The following NR6A1 variants were observed in gnomAD, a reference collection of about 807,000 sequenced individuals.
The protein encoded by NR6A1 is retinoic acid receptor-related testis-associated receptor.
NR6A1 carries 7 observed loss-of-function variants against 59.1 expected under a neutral mutation model. The ratio of observed to expected loss-of-function variants is 0.12; its 90% CI spans 0.07 to 0.22. The LOEUF (loss-of-function observed/expected upper bound fraction) is 0.22. Ranked by LOEUF, NR6A1 falls within the 10% of genes least tolerant of loss-of-function variation. The probability of loss-of-function intolerance (pLI) is 1.00; values close to 1 mark genes in which losing one functional copy is unlikely to be tolerated. For missense variants in NR6A1, 468 were observed against 611.6 expected, an observed-to-expected ratio of 0.77 and a Z score of 2.48; for synonymous variants, 243 against 236.1, an observed-to-expected ratio of 1.03 and a Z score of -0.27.
chr9:124,625,651 T>G (rs1055199977), intron 2 of NR6A1, among the ~76,000 whole-genome samples: 5 of 152,220 alleles, frequency 3.3e-5, no homozygotes, highest in South Asian at 2.1e-4. Flanking sequence ...GTTATTTTTA[T>G]GCCAACTTGC....
chr9:124,650,867 G>A (rs1837079090), intron 2 of NR6A1, among the ~76,000 whole-genome samples: 1 of 152,116 alleles, frequency 6.6e-6, no homozygotes, highest in African/African-American at 2.4e-5. Context: ...AAACATTCAG[G>A]AATAGTCTGT....
chr9:124,640,666 G>C (rs942842277), intron 2 of NR6A1, among the ~76,000 whole-genome samples: 2 of 151,838 alleles, frequency 1.3e-5, no homozygotes, highest in African/African-American at 4.8e-5. Context: ...CAAAGCACTA[G>C]GATTACAAAG....
intron 2 of NR6A1, among the ~76,000 whole-genome samples, chr9:124,730,852 T>C (rs1839863620): frequency 6.6e-6 from 1 of 152,214 alleles, no homozygotes; most frequent in South Asian, 2.1e-4. Flanking sequence ...TAGAGGTTTA[T>C]AAAATGTCCT....
At position 124,645,603 on chromosome 9, in the gene NR6A1, A is replaced by C. The variant is rs566072981; in HGVS notation, c.142+87705T>G. Among the ~76,000 whole-genome samples, 16 of 152,328 alleles carry C rather than the reference A, an allele frequency of 1.1e-4. No homozygotes were observed. In the South Asian group the frequency reaches 2.1e-3, roughly 20 times the overall value. On this transcript the variant is annotated intron_variant, in intron 2 of 9. Transcript: ENST00000487099. Reference sequence around the variant, plus strand: ...TACTCTAAGAAGACATAACAATCCTAATGTGTATGCACCTAGTAACAGAAT... The same window carrying C: ...TACTCTAAGAAGACATAACAATCCTCATGTGTATGCACCTAGTAACAGAAT...
chr9:124,689,949 G>T (rs535403075), intron 2 of NR6A1, among the ~76,000 whole-genome samples: 18 of 152,084 alleles, frequency 1.2e-4, no homozygotes, highest in Non-Finnish European at 2.5e-4. Flanking sequence ...GGATGGCAAG[G>T]GTTTTATATA....
At chr9:124,569,632 A>ATC (rs1834381511) in intron 2 of NR6A1, among the ~76,000 whole-genome samples, 3 of 152,210 alleles carry the variant, frequency 2.0e-5, no homozygotes, top group African/African-American at 7.2e-5. Context: ...TGTACATTCT[A>ATC]AGGACTGACT....
intron 1 of NR6A1, among the ~76,000 whole-genome samples, chr9:124,738,801 G>A (rs902174426): frequency 6.6e-6 from 1 of 151,978 alleles, no homozygotes; most frequent in South Asian, 2.1e-4. Flanking sequence ...TCAGGAGTTT[G>A]AGACCAGCTT....
chr9:124,605,465 T>G (rs1359496322), intron 2 of NR6A1, among the ~76,000 whole-genome samples: 1 of 152,122 alleles, frequency 6.6e-6, no homozygotes, highest in Non-Finnish European at 1.5e-5. Context: ...ATCATGCCAC[T>G]GCATTCCAGC....
At chr9:124,544,425 A>G (rs1188033290) in intron 3 of NR6A1, among the ~76,000 whole-genome samples, 1 of 152,226 alleles carries the variant, frequency 6.6e-6, no homozygotes, top group African/African-American at 2.4e-5. Flanking sequence ...CTCCTGACTA[A>G]GAATAACAAC....
rs967014153 is a variant in NR6A1 at position 124,571,151 on chromosome 9, GA to G, written c.143-16582del. 4.1e-4 allele frequency among the ~76,000 whole-genome samples: 63 copies of G among 152,348 alleles called. 1 individual carries two copies. The highest frequency in any genetic ancestry group is 1.4e-3 in the African/African-American group (57 of 41,574). On this transcript the variant is annotated intron_variant, in intron 2 of 9. Transcript: ENST00000487099. ...AGATTATCTAGAAGAGGTATCACCT[GA>G]ACTGAGCCTTAGAGTAGAAGTATGT...
intron 2 of NR6A1, among the ~76,000 whole-genome samples, chr9:124,619,581 T>A (rs929059394): frequency 1.2e-4 from 19 of 152,028 alleles, no homozygotes; most frequent in African/African-American, 3.1e-4. Context: ...TTACTTTTTT[T>A]AAAAAAACTG....
chr9:124,589,036 G>C (rs1245482560), intron 2 of NR6A1, among the ~76,000 whole-genome samples: 3 of 151,768 alleles, frequency 2.0e-5, no homozygotes, highest in Non-Finnish European at 4.4e-5. Context: ...GACAGGAAAA[G>C]ACACTCACTG....
chr9:124,524,683 G>T (rs1262754071), intron 9 of NR6A1, 38 bp downstream of exon 9: 16 of 1,604,100 alleles, frequency 1.0e-5, no homozygotes, highest in Non-Finnish European at 1.3e-5. Context: ...GCTAAGAGAA[G>T]CAAGGAAGGG....
chr9:124,536,934 A>C (rs1833285251), intron 6 of NR6A1, among the ~76,000 whole-genome samples: 1 of 152,238 alleles, frequency 6.6e-6, no homozygotes, highest in African/African-American at 2.4e-5. Flanking sequence ...AGGAACCAGC[A>C]TTGCTCAGCC....
chr9:124,687,399 C>CA (rs1564237644), intron 2 of NR6A1, among the ~76,000 whole-genome samples: 1 of 151,964 alleles, frequency 6.6e-6, no homozygotes, highest in East Asian at 1.9e-4. Context: ...TCTCAGCTCC[C>CA]AAAGTGCTGG....
intron 2 of NR6A1, among the ~76,000 whole-genome samples, chr9:124,613,861 A>G (rs1204887843): frequency 2.0e-5 from 3 of 152,230 alleles, no homozygotes; most frequent in Admixed American, 1.3e-4. Context: ...AAAAGTTTAC[A>G]GATGGACTTC....
intron 1 of NR6A1, among the ~76,000 whole-genome samples, 176 bp downstream of exon 1, chr9:124,770,844 C>T (rs957869747): frequency 6.6e-6 from 1 of 150,428 alleles, no homozygotes; most frequent in African/African-American, 2.5e-5. Context: ...TGAGCGAGAC[C>T]GGGGAGGAGA....
At chr9:124,531,038 T>C (rs970746104) in intron 7 of NR6A1, among the ~76,000 whole-genome samples, 1 of 152,256 alleles carries the variant, frequency 6.6e-6, no homozygotes, top group African/African-American at 2.4e-5. Context: ...GCACTTAAGA[T>C]AGAATTTGGC....
intron 2 of NR6A1, among the ~76,000 whole-genome samples, chr9:124,702,708 T>C (rs1408346598): frequency 6.6e-6 from 1 of 152,118 alleles, no homozygotes; most frequent in Non-Finnish European, 1.5e-5. Flanking sequence ...TGCCATGTGA[T>C]GTGCCTTTTC....
Sources: allele counts gnomAD v4.1 joint callset (sites outside exome capture counted in the v4.1 genomes callset), GRCh38; gene constraint gnomAD v4.1.1; transcripts MANE v1.5; gene names NCBI Gene and HGNC (gene_info 2026-07-23, HGNC 2026-07-21).